Variants in SGCD observed in about 807,000 individuals in gnomAD.
SGCD encodes sarcoglycan delta, also known as delta-sarcoglycan.
A neutral mutation model predicts 36.6 loss-of-function variants in SGCD; 18 were observed. That is an observed-to-expected ratio of 0.49 (90% confidence interval 0.34 to 0.73). The LOEUF (loss-of-function observed/expected upper bound fraction) is 0.73. SGCD is among the 30% of genes least tolerant of loss of function. SGCD has a pLI of 0.01. For synonymous variants in SGCD, 133 were observed against 130.6 expected, an observed-to-expected ratio of 1.02 and a Z score of -0.12; for missense variants, 387 against 346.7, an observed-to-expected ratio of 1.12 and a Z score of -0.92.
At chr5:155,889,261 T>C (rs924280992) in intron 1 of SGCD, among the ~76,000 whole-genome samples, 3 of 152,186 alleles carry the variant, frequency 2.0e-5, no homozygotes, top group Non-Finnish European at 2.9e-5. Context: ...CCTCATATGA[T>C]AGATTTAAAA....
intron 3 of SGCD, among the ~76,000 whole-genome samples, chr5:156,238,673 T>A (rs942560278): frequency 1.3e-5 from 2 of 152,138 alleles, no homozygotes; most frequent in African/African-American, 4.8e-5. Context: ...AAAGCACATT[T>A]CTATGGTAAA....
chr5:156,329,654 A>G, intron 2 of SGCD, 75 bp downstream of exon 2: 1 of 1,343,494 alleles, frequency 7.4e-7, no homozygotes, highest in Non-Finnish European at 1.1e-6. Flanking sequence ...AAACTTTTGA[A>G]AAAGAGAACA....
intron 1 of SGCD, among the ~76,000 whole-genome samples, chr5:156,103,365 C>A (rs1761569136): frequency 7.0e-6 from 1 of 143,648 alleles, no homozygotes; most frequent in Non-Finnish European, 1.5e-5. Context: ...CAAGACATTA[C>A]AAAGAATTAT....
chr5:156,659,773 C>T (rs4099155), intron 7 of SGCD, among the ~76,000 whole-genome samples: 5 of 125,852 alleles, frequency 4.0e-5, no homozygotes, highest in African/African-American at 1.3e-4. Context: ...GTAGAGATTC[C>T]TTTTTCTCCC....
intron 1 of SGCD, among the ~76,000 whole-genome samples, chr5:156,018,414 GAGAT>G (rs1759031704): frequency 6.6e-6 from 1 of 152,174 alleles, no homozygotes; most frequent in Non-Finnish European, 1.5e-5. Context: ...TTTAGAAACA[GAGAT>G]AGATATGATT....
chr5:156,168,267 C>T (rs1763259089), intron 3 of SGCD, among the ~76,000 whole-genome samples: 1 of 152,014 alleles, frequency 6.6e-6, no homozygotes, highest in Non-Finnish European at 1.5e-5. Flanking sequence ...ATTGTGCAAA[C>T]TAGAATGTTC....
At chr5:156,736,920 A>G (rs1055368007) in intron 7 of SGCD, among the ~76,000 whole-genome samples, 1 of 152,108 alleles carries the variant, frequency 6.6e-6, no homozygotes, top group Non-Finnish European at 1.5e-5. Context: ...CGACCTCCAT[A>G]TCGCTTTTAA....
intron 4 of SGCD, among the ~76,000 whole-genome samples, chr5:156,518,768 T>A (rs1351155163): frequency 6.6e-6 from 1 of 152,022 alleles, no homozygotes; most frequent in Non-Finnish European, 1.5e-5. Flanking sequence ...GGATAAATAA[T>A]GAAATTAAGT....
intron 1 of SGCD, among the ~76,000 whole-genome samples, chr5:155,878,762 G>A (rs144323479): frequency 7.2e-5 from 11 of 152,158 alleles, no homozygotes; most frequent in East Asian, 1.9e-4. Context: ...ATATAACATC[G>A]TTGGCACTAT....
At chr5:155,914,347 T>C (rs1442111928) in intron 1 of SGCD, among the ~76,000 whole-genome samples, 3 of 152,132 alleles carry the variant, frequency 2.0e-5, no homozygotes, top group African/African-American at 7.2e-5. Context: ...CTTACATCCA[T>C]TTAACAAATA....
chr5:156,377,516 T>C (rs903205863), intron 3 of SGCD, among the ~76,000 whole-genome samples: 2 of 152,192 alleles, frequency 1.3e-5, no homozygotes, highest in Non-Finnish European at 2.9e-5. Context: ...TTAAGCTCCA[T>C]GAAAGCAAGA....
intron 7 of SGCD, 121 bp from the exon 8 acceptor site, chr5:156,757,460 C>A: frequency 1.5e-6 from 1 of 670,816 alleles, no homozygotes; most frequent in Non-Finnish European, 2.5e-6. Flanking sequence ...TAAAGCAAAA[C>A]TTTAAAAAAT....
chr5:156,424,290 G>A (rs1314183619), intron 3 of SGCD, among the ~76,000 whole-genome samples: 2 of 151,770 alleles, frequency 1.3e-5, no homozygotes, highest in Non-Finnish European at 2.9e-5. Context: ...CTGCATGCTC[G>A]TATACTCCTT....
intron 1 of SGCD, among the ~76,000 whole-genome samples, chr5:155,934,816 T>C (rs1212976498): frequency 6.6e-6 from 1 of 152,212 alleles, no homozygotes; most frequent in Non-Finnish European, 1.5e-5. Flanking sequence ...TGACCTACAG[T>C]CTGCCCATTG....
chr5:156,085,681 G>C (rs1761074231), intron 1 of SGCD, among the ~76,000 whole-genome samples: 1 of 152,206 alleles, frequency 6.6e-6, no homozygotes, highest in South Asian at 2.1e-4. Context: ...TTTTCTGAAA[G>C]ATATTGTGTA....
chr5:156,521,252 A>G lies in SGCD; in HGVS notation c.294+12550A>G, dbSNP rs144868091. Reference sequence around the variant, plus strand: ...TAAAACCCCAAACCACAAAAACTCTAGAAGAAAATCTAGGTAATACCATTC... The same window carrying G: ...TAAAACCCCAAACCACAAAAACTCTGGAAGAAAATCTAGGTAATACCATTC... On this transcript the variant is annotated intron_variant, in intron 4 of 8. Transcript: ENST00000337851. 7.9e-4 allele frequency among the ~76,000 whole-genome samples: 120 copies of G among 152,314 alleles called. 1 individual carries two copies. The East Asian group carries it at 0.019, about 24-fold the overall frequency.
At chr5:156,094,879 T>C (rs145336913) in intron 1 of SGCD, among the ~76,000 whole-genome samples, 3,061 of 152,208 alleles carry the variant, frequency 0.02, 44 homozygotes, top group Non-Finnish European at 0.034. Flanking sequence ...CACATGCCTG[T>C]AATCCCAGCT....
chr5:156,439,620 G>A lies in SGCD; in HGVS notation c.193-68981G>A, dbSNP rs76837537. Among the ~76,000 whole-genome samples, 1,203 of 151,994 alleles carry A rather than the reference G, an allele frequency of 7.9e-3. 11 individuals are homozygous for A. The highest frequency in any genetic ancestry group is 8.3e-3 in the Non-Finnish European group (563 of 67,952). ...ATTTAGGTACTACATGAATATCTGC[G>A]CTTTATACATGAGAAGAGTAAGAAA... On this transcript the variant is annotated intron_variant, in intron 3 of 8. Transcript: ENST00000337851.
At chr5:156,577,742 C>A (rs2113318564) in intron 4 of SGCD, among the ~76,000 whole-genome samples, 1 of 152,258 alleles carries the variant, frequency 6.6e-6, no homozygotes, top group East Asian at 1.9e-4. Flanking sequence ...TATAGGAATG[C>A]TTGTGATTTT....
Sources: allele counts gnomAD v4.1 joint callset (sites outside exome capture counted in the v4.1 genomes callset), GRCh38; gene constraint gnomAD v4.1.1; transcripts MANE v1.5; gene names NCBI Gene and HGNC (gene_info 2026-07-23, HGNC 2026-07-21).